The following RXRA variants were observed in gnomAD, a reference collection of about 807,000 sequenced individuals.
The protein encoded by RXRA is retinoid X receptor alpha, also known as retinoic acid receptor RXR-alpha.
A neutral mutation model predicts 44.5 loss-of-function variants in RXRA; 5 were observed. The ratio of observed to expected loss-of-function variants is 0.11; its 90% CI spans 0.06 to 0.24. The LOEUF is 0.24. RXRA is among the 10% of genes least tolerant of loss of function. RXRA has a pLI of 1.00. For synonymous variants in RXRA, 291 were observed against 271.4 expected (o/e 1.07, Z -0.71); for missense variants, 412 against 646.5 (o/e 0.64, Z 3.93).
At chr9:134,353,575 C>G (rs1217236032) in intron 1 of RXRA, among the ~76,000 whole-genome samples, 5 of 152,258 alleles carry the variant, frequency 3.3e-5, no homozygotes, top group African/African-American at 7.2e-5. Context: ...CCCCACGAGT[C>G]CACGAGCCCC....
rs984957142 is a variant in RXRA at position 134,425,873 on chromosome 9, G to A, written c.911-3235G>A. 7.1e-6 allele frequency: 7 copies of A among 985,236 alleles called. No homozygotes were observed. In the East Asian group the frequency reaches 6.8e-4, roughly 96 times the overall value. The allele number at this position is 985,236 out of a possible 1,614,324, so 61.0% of individuals were successfully genotyped here. A position where few individuals can be genotyped will look rare whatever the true frequency, so the allele number is the denominator to read the frequency against. On this transcript the variant is annotated intron_variant, in intron 6 of 9. Transcript: ENST00000481739. ...CATTTAACTCTCCAGACCACCAGGAGTCGGTGTTATTACTGTCCCTTGTGC... is the reference window on the plus strand; with the variant it reads ...CATTTAACTCTCCAGACCACCAGGAATCGGTGTTATTACTGTCCCTTGTGC...
chr9:134,338,055 G>C (rs1184101163), intron 1 of RXRA, among the ~76,000 whole-genome samples: 1 of 152,220 alleles, frequency 6.6e-6, no homozygotes, highest in Non-Finnish European at 1.5e-5. Flanking sequence ...CAGCGGGGGA[G>C]ATGGGCGGTC....
intron 1 of RXRA, among the ~76,000 whole-genome samples, chr9:134,348,721 T>G (rs1830184625): frequency 6.6e-6 from 1 of 152,192 alleles, no homozygotes; most frequent in Admixed American, 6.5e-5. Context: ...TGCCCATCCA[T>G]CCGCTGTCAA....
rs563681935 is a variant in RXRA at position 134,365,408 on chromosome 9, C to A, written c.29-36224C>A. On this transcript the variant is annotated intron_variant, in intron 1 of 9. Transcript: ENST00000481739. The surrounding 1 kb of genome is among the most constrained non-coding windows in gnomAD (Gnocchi z 4.0). ...GTTGCCTGGCCCAGGTGGGATTTGG[C>A]GGGTAACGCTCGTGGTGTGTCCTGG... Among the ~76,000 whole-genome samples the A allele has an allele frequency of 6.6e-6, 1 of 152,278 alleles. No individual in the cohort carries two copies. Among genetic ancestry groups the A allele is most frequent in the South Asian group, 2.1e-4 (1 of 4,830 alleles).
intron 7 of RXRA, among the ~76,000 whole-genome samples, chr9:134,429,520 C>T (rs1019947688): frequency 7.9e-5 from 12 of 152,212 alleles, no homozygotes; most frequent in Admixed American, 5.2e-4. Context: ...AGGAAAGCTT[C>T]GTTTCTTTTT....
Position 134,366,552 on chromosome 9 carries a change from G to A in RXRA, c.29-35080G>A, listed in dbSNP as rs1432681719. On this transcript the variant is annotated intron_variant, in intron 1 of 9. Transcript: ENST00000481739. The surrounding 1 kb of genome is among the most constrained non-coding windows in gnomAD (Gnocchi z 5.9). ...GTGCCATGGGCCTCCAGGTCCCCCG[G>A]GTGCTGGCCTGGGGACAGCACCACA... 2.0e-5 allele frequency among the ~76,000 whole-genome samples: 3 copies of A among 152,124 alleles called. No homozygotes were observed. The highest frequency in any genetic ancestry group is 7.2e-5 in the African/African-American group (3 of 41,434).
At chr9:134,423,611 C>A (rs932506967) in intron 6 of RXRA, 3 of 985,348 alleles carry the variant, frequency 3.0e-6, no homozygotes, top group Non-Finnish European at 3.6e-6. Context: ...TCTCAAAGTC[C>A]TTGACTTAAT....
chr9:134,373,840 A>G (rs1017367167), intron 1 of RXRA, among the ~76,000 whole-genome samples: 2 of 152,230 alleles, frequency 1.3e-5, no homozygotes, highest in African/African-American at 2.4e-5. Context: ...ATTTATTTTA[A>G]TTAAAAATTT....
rs113354471 is a variant in RXRA, at chr9:134,421,662, T to C, written c.781-14T>C. The C allele has an allele frequency of 6.4e-6, 10 of 1,555,034 alleles. No individual in the cohort carries two copies. Among genetic ancestry groups the C allele is most frequent in the Non-Finnish European group, 8.7e-6 (10 of 1,145,904 alleles). On this transcript the variant is annotated splice_polypyrimidine_tract_variant and intron_variant, in intron 5 of 9. Transcript: ENST00000481739. ...TCTGGGACTGAATGTCCTGCTCTTC[T>C]TCCTCCACTGCAGCCGAACGACCCT...
intron 1 of RXRA, among the ~76,000 whole-genome samples, chr9:134,350,976 A>G (rs572863122): frequency 6.6e-6 from 1 of 152,248 alleles, no homozygotes; most frequent in Admixed American, 6.5e-5. Context: ...TGCCTCAGCA[A>G]GGGGGGGCTG....
chr9:134,431,754 CG>C (rs1489371482), intron 7 of RXRA, 150 bp from the exon 8 acceptor site: 5 of 589,460 alleles, frequency 8.5e-6, no homozygotes, highest in Non-Finnish European at 1.2e-5. Flanking sequence ...CACTCCCTCT[CG>C]GGGTGTCTGG....
intron 1 of RXRA, among the ~76,000 whole-genome samples, chr9:134,338,254 A>G (rs954388980): frequency 2.0e-5 from 3 of 152,206 alleles, no homozygotes; most frequent in Non-Finnish European, 2.9e-5. Flanking sequence ...GGGCACGGCC[A>G]TCGCCAGGCA....
intron 1 of RXRA, among the ~76,000 whole-genome samples, chr9:134,368,998 TTGTG>T (rs1175436401): frequency 2.5e-5 from 2 of 80,220 alleles, no homozygotes; most frequent in Non-Finnish European, 4.5e-5. Flanking sequence ...AGTGCGGGGC[TTGTG>T]TGTGTGTGTG....
intron 1 of RXRA, among the ~76,000 whole-genome samples, chr9:134,354,813 T>C (rs554808755): frequency 2.1e-4 from 32 of 152,366 alleles, no homozygotes; most frequent in African/African-American, 6.5e-4. Flanking sequence ...CAGGCTGCAA[T>C]TGTCCTCGTC....
At chr9:134,377,098 C>T (rs1488216354) in intron 1 of RXRA, among the ~76,000 whole-genome samples, 1 of 152,222 alleles carries the variant, frequency 6.6e-6, no homozygotes, top group African/African-American at 2.4e-5. Flanking sequence ...GAATGGGGAC[C>T]TGGCCAGTCT....
At chr9:134,332,593 A>G (rs1349523079) in intron 1 of RXRA, among the ~76,000 whole-genome samples, 1 of 151,014 alleles carries the variant, frequency 6.6e-6, no homozygotes, top group African/African-American at 2.4e-5. Context: ...GAGGGTGAGG[A>G]CGCAAGGGTG....
At chr9:134,422,751 C>T (rs1042499707) in intron 6 of RXRA, 8 of 985,358 alleles carry the variant, frequency 8.1e-6, no homozygotes, top group Non-Finnish European at 9.6e-6. Flanking sequence ...GCCTCAGTTT[C>T]CCTCCATCCC....
At chr9:134,377,141 G>A (rs1564276199) in intron 1 of RXRA, among the ~76,000 whole-genome samples, 2 of 152,196 alleles carry the variant, frequency 1.3e-5, no homozygotes, top group Admixed American at 6.5e-5. Context: ...CCCCAAGCTC[G>A]CTGCATCCGT....
intron 1 of RXRA, among the ~76,000 whole-genome samples, chr9:134,347,459 G>A (rs1053834322): frequency 2.0e-5 from 3 of 152,198 alleles, no homozygotes. Flanking sequence ...CCTGATGGGG[G>A]CCGCAGTGTC....
Sources: gnomAD v4.1 joint callset for allele counts (sites outside exome capture counted in the v4.1 genomes callset) on GRCh38, gnomAD v4.1.1 for gene constraint, Gnocchi (gnomAD v3.1) non-coding constraint, MANE v1.5 for transcripts, NCBI Gene and HGNC (gene_info 2026-07-23, HGNC 2026-07-21) for gene names.